Variants in RNF220 observed in about 807,000 individuals in gnomAD.
RNF220 encodes the protein E3 ubiquitin-protein ligase RNF220.
Under a neutral mutation model 67.1 loss-of-function variants are expected in RNF220, and 7 were observed. The ratio of observed to expected loss-of-function variants is 0.10; its 90% CI spans 0.06 to 0.20. The LOEUF is 0.20. Ranked by LOEUF, RNF220 falls within the 10% of genes least tolerant of loss-of-function variation. The probability of loss-of-function intolerance (pLI) is 1.00; values close to 1 mark genes in which losing one functional copy is unlikely to be tolerated. For missense variants in RNF220, 565 were observed against 740.3 expected, an observed-to-expected ratio of 0.76 and a Z score of 2.75; for synonymous variants, 270 against 283.2, an observed-to-expected ratio of 0.95 and a Z score of 0.47.
At position 44,617,953 on chromosome 1, in the gene RNF220, C is replaced by T. The variant is rs549663824; in HGVS notation, c.758+3656C>T. 1.6e-4 allele frequency among the ~76,000 whole-genome samples: 25 copies of T among 152,196 alleles called. No individual in the cohort carries two copies. The South Asian group carries it at 5.2e-3, about 32-fold the overall frequency. On this transcript the variant is annotated intron_variant, in intron 3 of 14. Transcript: ENST00000361799. ...CTCCTCCAATTGTCCCTTTTCCTCT[C>T]CTACCCTGCCTTTGCCTCCATTGCC...
intron 2 of RNF220, among the ~76,000 whole-genome samples, chr1:44,537,493 C>T (rs968960908): frequency 2.6e-4 from 40 of 151,968 alleles, no homozygotes; most frequent in African/African-American, 9.2e-4. Context: ...TTTTAGGGAC[C>T]CTAAACCCAT....
At chr1:44,464,263 C>A (rs936631962) in intron 2 of RNF220, among the ~76,000 whole-genome samples, 3 of 152,138 alleles carry the variant, frequency 2.0e-5, no homozygotes, top group Non-Finnish European at 1.5e-5. Flanking sequence ...GTCAGATGGG[C>A]CTGACTCTAA....
chr1:44,459,709 G>A (rs1397352619), intron 2 of RNF220, among the ~76,000 whole-genome samples: 1 of 152,172 alleles, frequency 6.6e-6, no homozygotes, highest in Non-Finnish European at 1.5e-5. Flanking sequence ...GTAAGGGGTA[G>A]GTGGAGCGGA....
In RNF220 at chr1:44,479,968, C is replaced by T. The variant is rs180739358; in HGVS notation, c.625+67246C>T. Among the ~76,000 whole-genome samples, 19 of 152,334 alleles carry T rather than the reference C, an allele frequency of 1.2e-4. No individual in the cohort carries two copies. The East Asian group carries it at 3.7e-3, about 29-fold the overall frequency. The stretch of plus-strand genomic sequence containing the variant: ...CTTCCAAATTATTGTAGTTTAGTCA[C>T]AAGTTTACCACTAAATAATACAAGT... On this transcript the variant is annotated intron_variant, in intron 2 of 14. Transcript: ENST00000361799.
Position 44,622,942 on chromosome 1 carries a change from G to A in RNF220, c.804+155G>A, listed in dbSNP as rs566838790. Among the ~76,000 whole-genome samples, 17 of 152,280 alleles carry A rather than the reference G, an allele frequency of 1.1e-4. No homozygotes were observed. In the East Asian group the frequency reaches 3.3e-3, roughly 29 times the overall value. On this transcript the variant is annotated intron_variant, in intron 4 of 14. Transcript: ENST00000361799. The surrounding 1 kb of genome is among the most constrained non-coding windows in gnomAD (Gnocchi z 4.3). ...ATCTCCAGGTCTTGAACATCATCCT[G>A]AGGCCTAGGGCTGCGCCGTGTGTGT...
intron 2 of RNF220, among the ~76,000 whole-genome samples, chr1:44,459,169 G>A (rs1003250006): frequency 6.6e-6 from 1 of 150,390 alleles, no homozygotes; most frequent in African/African-American, 2.5e-5. Flanking sequence ...CTTTTACCAT[G>A]GTGATTCTTT....
chr1:44,634,009 G>C (rs1644249441), intron 6 of RNF220, among the ~76,000 whole-genome samples: 1 of 152,268 alleles, frequency 6.6e-6, no homozygotes, highest in Admixed American at 6.5e-5. Flanking sequence ...AAAGTGAAGA[G>C]ATGGACTGGG....
chr1:44,527,838 A>G (rs1297971378), intron 2 of RNF220, among the ~76,000 whole-genome samples: 1 of 138,076 alleles, frequency 7.2e-6, no homozygotes, highest in Non-Finnish European at 1.5e-5. Context: ...AGGCAGGAGA[A>G]TCTCTTTGAC....
intron 2 of RNF220, among the ~76,000 whole-genome samples, chr1:44,421,449 A>G (rs191498592): frequency 1.3e-5 from 2 of 152,134 alleles, no homozygotes; most frequent in African/African-American, 2.4e-5. Context: ...CCTCTTGCCT[A>G]TGTGAGACAA....
At chr1:44,632,428 C>CCCCCCCCCA in intron 6 of RNF220, 43 bp downstream of exon 6, 1 of 1,452,980 alleles carries the variant, frequency 6.9e-7, no homozygotes, top group Non-Finnish European at 9.3e-7. Context: ...CCCCCGGCCT[C>CCCCCCCCCA]CTCCCTCCCT....
chr1:44,571,852 A>G (rs1331711773), intron 2 of RNF220, among the ~76,000 whole-genome samples: 3 of 152,134 alleles, frequency 2.0e-5, no homozygotes. Context: ...CCACAATCTT[A>G]AATGCCCATC....
intron 2 of RNF220, among the ~76,000 whole-genome samples, chr1:44,469,573 A>ATTCG (rs1325060089): frequency 1.5e-3 from 229 of 152,306 alleles, no homozygotes; most frequent in Non-Finnish European, 2.0e-3. Context: ...TCATTCATTC[A>ATTCG]TTCATTCACT....
intron 2 of RNF220, among the ~76,000 whole-genome samples, chr1:44,551,962 T>A (rs1220096350): frequency 1.3e-5 from 2 of 152,188 alleles, no homozygotes; most frequent in Non-Finnish European, 2.9e-5. Flanking sequence ...CCACCTCCTC[T>A]GAGGGCCTGA....
chr1:44,636,413 GCTT>G (rs1321659368), intron 8 of RNF220: 1 of 721,176 alleles, frequency 1.4e-6, no homozygotes, highest in Non-Finnish European at 2.6e-6. Flanking sequence ...GGGGCTCTCA[GCTT>G]CGGGTGATGC....
chr1:44,495,444 A>G (rs1422590665), intron 2 of RNF220, among the ~76,000 whole-genome samples: 1 of 152,228 alleles, frequency 6.6e-6, no homozygotes, highest in Non-Finnish European at 1.5e-5. Context: ...CAGACAACTT[A>G]AAAAGTAGTT....
chr1:44,587,538 C>G lies in RNF220; in HGVS notation c.626-26627C>G, dbSNP rs902217545. On this transcript the variant is annotated intron_variant, in intron 2 of 14. Coordinates refer to ENST00000361799, the MANE Select transcript of RNF220 (RefSeq NM_018150.4). ...AAAGAGATGGGGAACATTCCCGCCC[C>G]CTCTGTGCTGGCCTCGGCTCCTTTG... Among the ~76,000 whole-genome samples, 7 of 152,246 alleles carry G rather than the reference C, an allele frequency of 4.6e-5. No homozygotes were observed. In the East Asian group the frequency reaches 1.2e-3, roughly 25 times the overall value.
At position 44,632,061 on chromosome 1, in the gene RNF220, C is replaced by T. The variant is rs575920485; in HGVS notation, c.907-282C>T. On this transcript the variant is annotated intron_variant, in intron 5 of 14. Transcript: ENST00000361799. ...CCGCCCGCATCGCCGCCCTCGCCGG[C>T]CGGGCGGCCGTGGGGCCCAGAGCGC... The T allele has an allele frequency of 1.9e-5, 21 of 1,119,624 alleles. No individual in the cohort carries two copies. The South Asian group carries it at 6.1e-4, about 33-fold the overall frequency. 69.4% of individuals were successfully genotyped at this position (1,119,624 alleles called of 1,614,324 possible).
At chr1:44,631,734 G>T (rs1222991164) in intron 5 of RNF220, 1 of 233,226 alleles carries the variant, frequency 4.3e-6, no homozygotes, top group Non-Finnish European at 7.0e-6. Context: ...GCCGGGGCCG[G>T]GCGATGGGGC....
At chr1:44,462,869 A>C (rs1409630097) in intron 2 of RNF220, among the ~76,000 whole-genome samples, 1 of 151,858 alleles carries the variant, frequency 6.6e-6, no homozygotes, top group African/African-American at 2.4e-5. Context: ...TCTACTAAAA[A>C]TACAAAAATT....
Sources: allele counts gnomAD v4.1 joint callset (sites outside exome capture counted in the v4.1 genomes callset), GRCh38; gene constraint gnomAD v4.1.1; non-coding constraint Gnocchi (gnomAD v3.1); transcripts MANE v1.5; gene names NCBI Gene and HGNC (gene_info 2026-07-23, HGNC 2026-07-21).